ADGRL3: variants seen among roughly 807,000 people sequenced by gnomAD.
The protein encoded by ADGRL3 is adhesion G protein-coupled receptor L3, also known as calcium-independent alpha-latrotoxin receptor 3.
Under a neutral mutation model 153.5 loss-of-function variants are expected in ADGRL3, and 62 were observed. The ratio of observed to expected loss-of-function variants is 0.40; its 90% CI spans 0.33 to 0.50. The LOEUF is 0.50. Among genes scored for constraint, ADGRL3 ranks in the 20% least tolerant of loss-of-function variants. The pLI is 0.47. For missense variants in ADGRL3, 1,641 were observed against 1,859.4 expected, an observed-to-expected ratio of 0.88 and a Z score of 2.16; for synonymous variants, 710 against 672.5, an observed-to-expected ratio of 1.06 and a Z score of -0.86.
intron 2 of ADGRL3, among the ~76,000 whole-genome samples, chr4:61,433,724 C>A (rs2097405519): frequency 6.6e-6 from 1 of 152,088 alleles, no homozygotes; most frequent in African/African-American, 2.4e-5. Flanking sequence ...GTTGAGTTTC[C>A]TTCTGAGCTC....
chr4:61,884,193 A>C (rs2098524268), intron 9 of ADGRL3, among the ~76,000 whole-genome samples: 1 of 152,200 alleles, frequency 6.6e-6, no homozygotes. Context: ...CCATATTCTG[A>C]TACTTTTTAA....
chr4:61,433,158 T>G (rs1204907485), intron 2 of ADGRL3, among the ~76,000 whole-genome samples: 1 of 152,202 alleles, frequency 6.6e-6, no homozygotes, highest in Non-Finnish European at 1.5e-5. Flanking sequence ...CTATGTCTAT[T>G]TTCTTATTTT....
intron 8 of ADGRL3, among the ~76,000 whole-genome samples, chr4:61,793,056 G>A (rs2097363454): frequency 6.6e-6 from 1 of 151,934 alleles, no homozygotes; most frequent in Non-Finnish European, 1.5e-5. Context: ...CAGAAGGCAA[G>A]GAACAGCAAT....
At chr4:61,444,244 G>A (rs1267358762) in intron 2 of ADGRL3, among the ~76,000 whole-genome samples, 2 of 152,170 alleles carry the variant, frequency 1.3e-5, no homozygotes, top group African/African-American at 4.8e-5. Flanking sequence ...AAAGATTGGA[G>A]CTTTGCCTGT....
intron 3 of ADGRL3, 45 bp downstream of exon 3, chr4:61,497,393 T>A (rs756468990): frequency 1.6e-6 from 2 of 1,247,626 alleles, no homozygotes; most frequent in Non-Finnish European, 1.2e-6. Flanking sequence ...GTTGTCTCAC[T>A]TATTCATACT....
intron 1 of ADGRL3, among the ~76,000 whole-genome samples, chr4:61,369,143 G>A (rs1262339571): frequency 3.3e-5 from 5 of 152,136 alleles, no homozygotes; most frequent in African/African-American, 1.2e-4. Context: ...AGACAATGGG[G>A]TTTTCTAGAT....
chr4:61,443,052 C>G (rs540238354), intron 2 of ADGRL3, among the ~76,000 whole-genome samples: 1 of 152,218 alleles, frequency 6.6e-6, no homozygotes, highest in African/African-American at 2.4e-5. Flanking sequence ...GACTTAGATA[C>G]AAAGCCATTT....
chr4:61,484,359 G>T (rs763650731), intron 2 of ADGRL3, among the ~76,000 whole-genome samples: 1 of 152,186 alleles, frequency 6.6e-6, no homozygotes, highest in Non-Finnish European at 1.5e-5. Context: ...TATCCTGGAA[G>T]TTGGAATGTC....
intron 9 of ADGRL3, among the ~76,000 whole-genome samples, chr4:61,856,586 TTCTCTCTCTC>T (rs199927400): frequency 2.5e-5 from 2 of 78,612 alleles, no homozygotes; most frequent in African/African-American, 4.5e-5. Context: ...TCTCTCTTTT[TTCTCTCTCTC>T]TCTCTCTCTT....
chr4:61,757,831 C>T (rs1244218441), intron 8 of ADGRL3, among the ~76,000 whole-genome samples: 1 of 152,054 alleles, frequency 6.6e-6, no homozygotes, highest in Admixed American at 6.6e-5. Context: ...TCTTTTTTCT[C>T]GTTGATTTCA....
At chr4:61,856,638 T>G (rs1338223232) in intron 9 of ADGRL3, among the ~76,000 whole-genome samples, 1 of 124,956 alleles carries the variant, frequency 8.0e-6, no homozygotes, top group Non-Finnish European at 1.7e-5. Context: ...TTTTTTGCGA[T>G]GGAGTCTTGC....
intron 9 of ADGRL3, among the ~76,000 whole-genome samples, chr4:61,814,258 C>G (rs2097663661): frequency 6.7e-6 from 1 of 149,990 alleles, no homozygotes; most frequent in South Asian, 2.1e-4. Flanking sequence ...ATGTCTTAAT[C>G]TAAATCATAT....
chr4:61,707,388 T>A (rs925527565), intron 6 of ADGRL3, among the ~76,000 whole-genome samples: 12 of 152,114 alleles, frequency 7.9e-5, no homozygotes, highest in African/African-American at 2.9e-4. Flanking sequence ...AAAGGCAATA[T>A]CTGCAAATCA....
At chr4:61,936,415 TA>T (rs887061258) in intron 15 of ADGRL3, among the ~76,000 whole-genome samples, 7 of 152,184 alleles carry the variant, frequency 4.6e-5, no homozygotes, top group Non-Finnish European at 7.4e-5. Flanking sequence ...TACTTGTAAT[TA>T]AAAAAATATT....
rs184077630 is a variant in ADGRL3, at chr4:61,678,397, A to G, written c.583+1462A>G. On this transcript the variant is annotated intron_variant, in intron 6 of 26. Coordinates refer to ENST00000683033, the MANE Select transcript of ADGRL3 (RefSeq NM_001387552.1). Reference sequence around the variant, plus strand: ...AATTTCAGATTGTAGATTTTATCATATTTTTTTAATTAAAGAATTTCACGG... The same window carrying G: ...AATTTCAGATTGTAGATTTTATCATGTTTTTTTAATTAAAGAATTTCACGG... Among the ~76,000 whole-genome samples the G allele has an allele frequency of 2.0e-5, 3 of 152,072 alleles. No individual in the cohort carries two copies. In the East Asian group the frequency reaches 5.8e-4, roughly 29 times the overall value.
chr4:61,536,183 T>C (rs971376302), intron 4 of ADGRL3, among the ~76,000 whole-genome samples: 99 of 152,030 alleles, frequency 6.5e-4, no homozygotes, highest in African/African-American at 2.2e-3. Context: ...CATGTACTTG[T>C]GTGGTTTTGA....
rs1203600863 is a variant in ADGRL3 at position 61,946,989 on chromosome 4, T to G, written c.2495T>G (p.Leu832Trp). The G allele has an allele frequency of 1.2e-6, 2 of 1,613,816 alleles. No homozygotes were observed. Among genetic ancestry groups the G allele is most frequent in the South Asian group, 2.2e-5 (2 of 91,084 alleles). The change falls in exon 16 of 27, where the codon TTG becomes TGG. Residue 832 changes from leucine (L) to tryptophan (W), a missense_variant. This residue lies in a region of ADGRL3 where 734 missense variants were observed against 797.0 expected (regional missense o/e 0.92). Coordinates refer to ENST00000683033, the MANE Select transcript of ADGRL3 (RefSeq NM_001387552.1). Reference protein sequence around the residue: ...YLSTENASMKLGTEALSTNHS... With the variant: ...YLSTENASMKWGTEALSTNHS... ...TCCACGGAGAATGCCAGTATGAAGT[T>G]GGGAACGGAAGCTTTGTCCACAAAT...
chr4:61,500,029 C>CAGAGAG (rs10673228), intron 3 of ADGRL3, among the ~76,000 whole-genome samples: 2,642 of 140,486 alleles, frequency 0.019, 57 homozygotes, highest in African/African-American at 0.039. Flanking sequence ...CACACAGAAA[C>CAGAGAG]AGAGAGAGAG....
intron 9 of ADGRL3, among the ~76,000 whole-genome samples, chr4:61,848,458 G>C (rs900962338): frequency 1.3e-5 from 2 of 151,764 alleles, no homozygotes; most frequent in Non-Finnish European, 2.9e-5. Flanking sequence ...GTCTGTCTCT[G>C]TGTCCTTTCT....
Sources: gnomAD v4.1 joint callset for allele counts (sites outside exome capture counted in the v4.1 genomes callset) on GRCh38, gnomAD v4.1.1 for gene constraint, gnomAD v4.1.1 regional missense constraint, MANE v1.5 for transcripts, NCBI Gene and HGNC (gene_info 2026-07-23, HGNC 2026-07-21) for gene names.